Variants in CRIM1 observed in about 807,000 individuals in gnomAD.
CRIM1 encodes the protein cysteine-rich motor neuron 1 protein.
Under a neutral mutation model 116.4 loss-of-function variants are expected in CRIM1, and 32 were observed. The ratio of observed to expected loss-of-function variants is 0.27; its 90% CI spans 0.21 to 0.37. The LOEUF (loss-of-function observed/expected upper bound fraction) is 0.37, where lower values mean the gene tolerates loss of function less well. CRIM1 is among the 10% of genes least tolerant of loss of function. The probability of loss-of-function intolerance (pLI) is 1.00; values close to 1 mark genes in which losing one functional copy is unlikely to be tolerated. For missense variants in CRIM1, 1,331 were observed against 1,354.8 expected (o/e 0.98, Z 0.28); for synonymous variants, 590 against 509.2 (o/e 1.16, Z -2.13).
At chr2:36,473,449 A>G (rs1678701764) in intron 5 of CRIM1, among the ~76,000 whole-genome samples, 2 of 152,150 alleles carry the variant, frequency 1.3e-5, no homozygotes, top group Non-Finnish European at 2.9e-5. Flanking sequence ...GCAATCATCA[A>G]CACAATCAGT....
At chr2:36,446,407 C>G (rs893095143) in intron 4 of CRIM1, among the ~76,000 whole-genome samples, 31 of 152,204 alleles carry the variant, frequency 2.0e-4, no homozygotes, top group African/African-American at 7.2e-4. Context: ...TCCGGATGTT[C>G]TTACTGTGCA....
intron 1 of CRIM1, among the ~76,000 whole-genome samples, chr2:36,390,433 T>C (rs997789212): frequency 6.6e-6 from 1 of 152,214 alleles, no homozygotes; most frequent in Admixed American, 6.5e-5. Flanking sequence ...TAGCCCATGC[T>C]TTGCAGCCCT....
At chr2:36,383,743 A>G (rs2148342639) in intron 1 of CRIM1, among the ~76,000 whole-genome samples, 1 of 152,334 alleles carries the variant, frequency 6.6e-6, no homozygotes, top group South Asian at 2.1e-4. Flanking sequence ...ACTTCTTTGA[A>G]GAAAAGATAC....
At chr2:36,530,532 A>C (rs1293792917) in intron 13 of CRIM1, among the ~76,000 whole-genome samples, 1 of 152,230 alleles carries the variant, frequency 6.6e-6, no homozygotes, top group African/African-American at 2.4e-5. Context: ...GTGTCTTGTT[A>C]GAAAGTGAAA....
At chr2:36,483,503 A>G (rs1213170256) in intron 7 of CRIM1, among the ~76,000 whole-genome samples, 1 of 152,168 alleles carries the variant, frequency 6.6e-6, no homozygotes. Context: ...CAGAGAACAC[A>G]AAGTTCGGAG....
At chr2:36,467,140 G>T (rs1328401076) in intron 5 of CRIM1, among the ~76,000 whole-genome samples, 1 of 152,182 alleles carries the variant, frequency 6.6e-6, no homozygotes, top group African/African-American at 2.4e-5. Context: ...AGAAGATGTT[G>T]AGTGGACAAA....
intron 13 of CRIM1, among the ~76,000 whole-genome samples, chr2:36,533,200 C>T (rs1032785831): frequency 1.3e-5 from 2 of 152,134 alleles, no homozygotes; most frequent in Non-Finnish European, 2.9e-5. Flanking sequence ...CCACATCTCC[C>T]TTTAAACCTG....
chr2:36,366,022 A>G (rs181839103), intron 1 of CRIM1, among the ~76,000 whole-genome samples: 2 of 152,328 alleles, frequency 1.3e-5, no homozygotes, highest in East Asian at 1.9e-4. Context: ...CACCGCGCCC[A>G]GCCCAGAACT....
chr2:36,473,904 A>G lies in CRIM1; in HGVS notation c.992-2985A>G, dbSNP rs1015061216. 4.6e-5 allele frequency among the ~76,000 whole-genome samples: 7 copies of G among 152,106 alleles called. No homozygotes were observed. In the South Asian group the frequency reaches 6.2e-4, roughly 13 times the overall value. Reference sequence around the variant, plus strand: ...AGGAGTAGAGTTGCTTGATGATATGATAACTCAAATTAAGGAACTCACAAA... The same window carrying G: ...AGGAGTAGAGTTGCTTGATGATATGGTAACTCAAATTAAGGAACTCACAAA... On this transcript the variant is annotated intron_variant, in intron 5 of 16. Transcript: ENST00000280527.
chr2:36,496,566 AC>A (rs1680609310), intron 7 of CRIM1, among the ~76,000 whole-genome samples: 1 of 152,122 alleles, frequency 6.6e-6, no homozygotes, highest in African/African-American at 2.4e-5. Flanking sequence ...GACTTGTTTT[AC>A]CTGAAATATT....
intron 14 of CRIM1, among the ~76,000 whole-genome samples, chr2:36,542,154 G>GT (rs1170352574): frequency 6.6e-6 from 1 of 152,138 alleles, no homozygotes; most frequent in African/African-American, 2.4e-5. Flanking sequence ...CACAGGACAG[G>GT]TTATGAGCTG....
chr2:36,521,308 T>G (rs912050279), intron 12 of CRIM1, among the ~76,000 whole-genome samples: 4 of 152,166 alleles, frequency 2.6e-5, no homozygotes, highest in African/African-American at 9.7e-5. Flanking sequence ...TATGAGTGAT[T>G]TAGATTTCTT....
intron 2 of CRIM1, among the ~76,000 whole-genome samples, chr2:36,431,256 CAT>C (rs1553382540): frequency 7.2e-5 from 11 of 152,036 alleles, no homozygotes. Context: ...TGTATATACA[CAT>C]ATATGTATGA....
chr2:36,483,103 C>G (rs542353881), intron 7 of CRIM1, among the ~76,000 whole-genome samples: 1 of 152,270 alleles, frequency 6.6e-6, no homozygotes, highest in South Asian at 2.1e-4. Flanking sequence ...TACAGATAAG[C>G]CTTTCCAGTC....
rs1370283780 is a variant in CRIM1, at chr2:36,476,886, C to A, written c.992-3C>A. On this transcript the variant is annotated splice_region_variant and splice_polypyrimidine_tract_variant and intron_variant, in intron 5 of 16. Transcript: ENST00000280527. The stretch of plus-strand genomic sequence containing the variant: ...ATGCCTTGTTTGTTTTAACTCTTTT[C>A]AGATACAAAGCCAGCCTGCGTATTT... 1 of 1,606,330 alleles carries A rather than the reference C, an allele frequency of 6.2e-7. No homozygotes were observed. Among genetic ancestry groups the A allele is most frequent in the Non-Finnish European group, 8.5e-7 (1 of 1,176,130 alleles).
rs556764857 is a variant in CRIM1 at position 36,530,970 on chromosome 2, A to T, written c.2429-6382A>T. Reference sequence around the variant, plus strand: ...TGCCTTGTTCACGTCTGCATCCCCAACACTTAGGATGACACTCGGGGGGCC... The same window carrying T: ...TGCCTTGTTCACGTCTGCATCCCCATCACTTAGGATGACACTCGGGGGGCC... On this transcript the variant is annotated intron_variant, in intron 13 of 16. Transcript: ENST00000280527. 2.6e-5 allele frequency among the ~76,000 whole-genome samples: 4 copies of T among 152,270 alleles called. No homozygotes were observed. The South Asian group carries it at 8.3e-4, about 32-fold the overall frequency.
intron 4 of CRIM1, among the ~76,000 whole-genome samples, chr2:36,451,359 A>G (rs1676709880): frequency 6.6e-6 from 1 of 152,202 alleles, no homozygotes; most frequent in African/African-American, 2.4e-5. Context: ...CAGTCTTTCT[A>G]CCAAACAATG....
At chr2:36,423,177 G>A (rs1006748978) in intron 2 of CRIM1, among the ~76,000 whole-genome samples, 3 of 152,294 alleles carry the variant, frequency 2.0e-5, no homozygotes, top group African/African-American at 4.8e-5. Flanking sequence ...AATTTAGGCA[G>A]TTTGTTTTCA....
At chr2:36,535,190 T>TA (rs915080544) in intron 13 of CRIM1, among the ~76,000 whole-genome samples, 1 of 53,070 alleles carries the variant, frequency 1.9e-5, no homozygotes, top group Admixed American at 2.6e-4. Context: ...GGAGGGAGGG[T>TA]AAAAAGGAGG....
Sources: allele counts gnomAD v4.1 joint callset (sites outside exome capture counted in the v4.1 genomes callset), GRCh38; gene constraint gnomAD v4.1.1; transcripts MANE v1.5; gene names NCBI Gene and HGNC (gene_info 2026-07-23, HGNC 2026-07-21).